The following PYGO1 variants were observed in gnomAD, a reference collection of about 807,000 sequenced individuals.
PYGO1 encodes pygopus homolog 1.
Under a neutral mutation model 29.5 loss-of-function variants are expected in PYGO1, and 6 were observed. That is an observed-to-expected ratio of 0.20 (90% CI 0.11 to 0.40). The LOEUF is 0.40. Among genes scored for constraint, PYGO1 ranks in the 10% least tolerant of loss-of-function variants. The pLI, the probability that PYGO1 is intolerant of heterozygous loss-of-function variation, is 1.00. For synonymous variants in PYGO1, 186 were observed against 180.5 expected, an observed-to-expected ratio of 1.03 and a Z score of -0.24; for missense variants, 515 against 514.9, an observed-to-expected ratio of 1.00 and a Z score of 0.00.
chr15:55,580,786 C>A (rs183500988), intron 1 of PYGO1, among the ~76,000 whole-genome samples: 2 of 152,250 alleles, frequency 1.3e-5, no homozygotes, highest in East Asian at 3.9e-4. Flanking sequence ...TACTTTAAGG[C>A]TAATTTTGAT....
intron 1 of PYGO1, among the ~76,000 whole-genome samples, chr15:55,583,507 TTTG>T (rs1314798482): frequency 6.6e-6 from 1 of 151,890 alleles, no homozygotes; most frequent in East Asian, 1.9e-4. Context: ...ACCACATTTT[TTTG>T]TTTGTTTTTG....
intron 1 of PYGO1, among the ~76,000 whole-genome samples, chr15:55,567,435 T>C (rs1276182202): frequency 6.6e-6 from 1 of 151,888 alleles, no homozygotes; most frequent in African/African-American, 2.4e-5. Flanking sequence ...CTCAAACTCC[T>C]TTTGCCCATT....
intron 1 of PYGO1, among the ~76,000 whole-genome samples, chr15:55,563,376 T>TC (rs2058941619): frequency 6.6e-6 from 1 of 150,870 alleles, no homozygotes; most frequent in Admixed American, 6.6e-5. Flanking sequence ...CTTTTTTTTT[T>TC]TTTTTTTTGA....
chr15:55,546,052 C>A lies in PYGO1; in HGVS notation c.1231G>T (p.Gly411Cys). The change falls in exon 3 of 3, where the codon GGT (glycine) becomes TGT (cysteine). Residue 411 changes from glycine (G) to cysteine (C), a missense_variant. Coordinates refer to ENST00000563719, the MANE Select transcript of PYGO1 (RefSeq NM_001367806.1). ...VQLMRTRETF[G>C]PSAVGSDA The stretch of plus-strand genomic sequence containing the variant: ...GCATCACTGCCCACTGCAGATGGAC[C>A]AAAAGTTTCTCTAGTACGCATTAAC... 6.2e-7 allele frequency: 1 copy of A among 1,612,358 alleles called. No homozygotes were observed. The highest frequency in any genetic ancestry group is 8.5e-7 in the Non-Finnish European group (1 of 1,178,728).
intron 1 of PYGO1, among the ~76,000 whole-genome samples, chr15:55,564,122 G>A (rs897960538): frequency 3.9e-5 from 6 of 152,212 alleles, no homozygotes; most frequent in African/African-American, 7.2e-5. Flanking sequence ...CTTGTACAAC[G>A]TTTTTAGCAG....
rs202218683 is a variant in PYGO1 at position 55,587,909 on chromosome 15, C to T, written c.-26G>A. ...TACAGACCGCAAAGCATGACTCCCC[C>T]CCAGGCCGCGGGAATTCGGTCTCTT... is the stretch of plus-strand genomic sequence containing the variant. On this transcript the variant is annotated 5_prime_UTR_variant, in exon 1 of 3. Coordinates refer to ENST00000563719, the MANE Select transcript of PYGO1 (RefSeq NM_001367806.1). The T allele has an allele frequency of 4.8e-6, 7 of 1,465,712 alleles. No homozygotes were observed. The highest frequency in any genetic ancestry group is 4.4e-5 in the African/African-American group (3 of 68,876). The allele number at this position is 1,465,712 out of a possible 1,614,324, so 90.8% of individuals were successfully genotyped here.
At chr15:55,585,641 C>A (rs565392996) in intron 1 of PYGO1, among the ~76,000 whole-genome samples, 1 of 152,270 alleles carries the variant, frequency 6.6e-6, no homozygotes, top group Admixed American at 6.5e-5. Flanking sequence ...CCGGAGCCAA[C>A]CCCAATAGCT....
rs2058836161 is a variant in PYGO1 at position 55,543,345 on chromosome 15, T to C, written c.*2678A>G. The C allele has an allele frequency of 1.3e-5, 2 of 152,180 alleles. No homozygotes were observed. The highest frequency in any genetic ancestry group is 4.8e-5 in the African/African-American group (2 of 41,450). The allele number at this position is 152,180 out of a possible 1,614,324, so 9.4% of individuals were successfully genotyped here. ...TGACTTAGCATTATGTAGAGACAAA[T>C]GTAGAACTAGCAGGAAAATTAATTC... is the stretch of plus-strand genomic sequence containing the variant. On this transcript the variant is annotated 3_prime_UTR_variant, in exon 3 of 3. Coordinates refer to ENST00000563719, the MANE Select transcript of PYGO1 (RefSeq NM_001367806.1).
At chr15:55,567,505 A>G (rs1303695267) in intron 1 of PYGO1, among the ~76,000 whole-genome samples, 2 of 151,828 alleles carry the variant, frequency 1.3e-5, no homozygotes, top group Admixed American at 6.6e-5. Flanking sequence ...TAAATTCTGG[A>G]TATTAGACCT....
Position 55,560,727 on chromosome 15 carries a change from C to T in PYGO1, c.50-11732G>A, listed in dbSNP as rs558880971. ...CCTATAATCCCAGCACTTTGGGAGG[C>T]TGAGGTGGGCAGATCACAAGGTCAG... is the stretch of plus-strand genomic sequence containing the variant. On this transcript the variant is annotated intron_variant, in intron 1 of 2. Coordinates refer to ENST00000563719, the MANE Select transcript of PYGO1 (RefSeq NM_001367806.1). Among the ~76,000 whole-genome samples the T allele has an allele frequency of 3.9e-5, 6 of 152,258 alleles. No homozygotes were observed. The East Asian group carries it at 1.2e-3, about 29-fold the overall frequency.
intron 1 of PYGO1, among the ~76,000 whole-genome samples, chr15:55,550,030 C>T (rs1369371656): frequency 6.6e-6 from 1 of 152,128 alleles, no homozygotes; most frequent in Non-Finnish European, 1.5e-5. Flanking sequence ...AAATACAATG[C>T]CATTCTAGCC....
At chr15:55,579,995 C>T (rs577425646) in intron 1 of PYGO1, among the ~76,000 whole-genome samples, 1 of 152,098 alleles carries the variant, frequency 6.6e-6, no homozygotes, top group Non-Finnish European at 1.5e-5. Flanking sequence ...CACTGGTCTC[C>T]CACTTACCTC....
In PYGO1 at chr15:55,546,459, T is replaced by C. The variant is rs949944347; in HGVS notation, c.824A>G (p.Asn275Ser). The change falls in exon 3 of 3, where the codon AAT becomes AGT. Residue 275 changes from asparagine (N) to serine (S), a missense_variant. Coordinates refer to ENST00000563719, the MANE Select transcript of PYGO1 (RefSeq NM_001367806.1). The stretch of plus-strand genomic sequence containing the variant: ...ATTTACTGCATTGTTTCGATTAACA[T>C]TTTTTAATTCAATATTACTCTGATT... ...TVNQSNIELK[N>S]VNRNNAVNQE... 5.0e-6 allele frequency: 8 copies of C among 1,614,178 alleles called. No individual in the cohort carries two copies. In the Admixed American group the frequency reaches 6.7e-5, roughly 13 times the overall value.
chr15:55,573,163 G>C (rs200743396), intron 1 of PYGO1, among the ~76,000 whole-genome samples: 3 of 152,016 alleles, frequency 2.0e-5, no homozygotes, highest in Non-Finnish European at 2.9e-5. Context: ...AAAATTAGCC[G>C]GGCGTGGTAG....
chr15:55,553,058 C>T (rs1451562821), intron 1 of PYGO1, among the ~76,000 whole-genome samples: 2 of 152,198 alleles, frequency 1.3e-5, no homozygotes, highest in Non-Finnish European at 2.9e-5. Flanking sequence ...AGCCTGCTGG[C>T]ACTGGGGAGT....
intron 1 of PYGO1, among the ~76,000 whole-genome samples, chr15:55,554,468 CAAAAAAAA>C (rs56216226): frequency 5.7e-5 from 7 of 122,918 alleles, no homozygotes; most frequent in East Asian, 6.4e-4. Flanking sequence ...GACTCTGTCT[CAAAAAAAA>C]AAAAAAAAAA....
chr15:55,558,122 C>T (rs918876019), intron 1 of PYGO1, among the ~76,000 whole-genome samples: 1 of 152,196 alleles, frequency 6.6e-6, no homozygotes, highest in Non-Finnish European at 1.5e-5. Flanking sequence ...CCCAAAATCT[C>T]CTTAAACAGA....
chr15:55,584,221 G>T (rs2059037364), intron 1 of PYGO1, among the ~76,000 whole-genome samples: 4 of 150,766 alleles, frequency 2.7e-5, no homozygotes, highest in Admixed American at 1.3e-4. Context: ...GGGCTCAGGT[G>T]ATTCTCCCAC....
At chr15:55,578,259 G>C (rs761125216) in intron 1 of PYGO1, among the ~76,000 whole-genome samples, 2 of 151,534 alleles carry the variant, frequency 1.3e-5, no homozygotes, top group African/African-American at 2.4e-5. Flanking sequence ...TGGACATTTC[G>C]GTTATTTCCA....
Sources: allele counts gnomAD v4.1 joint callset (sites outside exome capture counted in the v4.1 genomes callset), GRCh38; gene constraint gnomAD v4.1.1; transcripts MANE v1.5; gene names NCBI Gene and HGNC (gene_info 2026-07-23, HGNC 2026-07-21).